NR3C2: variants seen among roughly 807,000 people sequenced by gnomAD.
NR3C2 encodes nuclear receptor subfamily 3 group C member 2.
NR3C2 carries 15 observed loss-of-function variants against 86.4 expected under a neutral mutation model. The observed-to-expected ratio is 0.17, with a 90% CI of 0.12 to 0.27. The LOEUF (loss-of-function observed/expected upper bound fraction) is 0.27. Among genes scored for constraint, NR3C2 ranks in the 10% least tolerant of loss-of-function variants. NR3C2 has a pLI of 1.00. For synonymous variants in NR3C2, 458 were observed against 450.5 expected (o/e 1.02, Z -0.21); for missense variants, 960 against 1,195.6 (o/e 0.80, Z 2.91).
intron 2 of NR3C2, among the ~76,000 whole-genome samples, chr4:148,389,937 T>G (rs1216095645): frequency 1.3e-5 from 2 of 152,046 alleles, no homozygotes; most frequent in African/African-American, 2.4e-5. Context: ...TGCCTCAACT[T>G]TTAAAATCAT....
rs61760294 is a variant in NR3C2, at chr4:148,258,020, A to T, written c.1897+1958T>A. Among the ~76,000 whole-genome samples, 537 of 152,318 alleles carry T rather than the reference A, an allele frequency of 3.5e-3. 2 individuals are homozygous for T. The highest frequency in any genetic ancestry group is 5.8e-3 in the Non-Finnish European group (396 of 68,030). On this transcript the variant is annotated intron_variant, in intron 3 of 8. Coordinates refer to ENST00000358102, the MANE Select transcript of NR3C2 (RefSeq NM_000901.5). Reference sequence around the variant, plus strand: ...TAATTCCCTAGGTAATTCCACAGAAACTACTTAAAACAAGAAAAACTAAGC... The same window carrying T: ...TAATTCCCTAGGTAATTCCACAGAATCTACTTAAAACAAGAAAAACTAAGC...
intron 3 of NR3C2, among the ~76,000 whole-genome samples, chr4:148,236,247 G>A (rs918773955): frequency 9.9e-5 from 15 of 152,152 alleles, no homozygotes; most frequent in African/African-American, 2.2e-4. Flanking sequence ...TCAAGGTGTC[G>A]GGGTAAGTGA....
At chr4:148,242,721 C>T (rs1190511362) in intron 3 of NR3C2, among the ~76,000 whole-genome samples, 5 of 152,118 alleles carry the variant, frequency 3.3e-5, no homozygotes, top group Non-Finnish European at 5.9e-5. Flanking sequence ...ACTGTTTAAC[C>T]AATGCAAATG....
At chr4:148,409,292 G>C (rs572270854) in intron 2 of NR3C2, among the ~76,000 whole-genome samples, 1 of 152,210 alleles carries the variant, frequency 6.6e-6, no homozygotes, top group Non-Finnish European at 1.5e-5. Context: ...CTTTGATATT[G>C]AGATAAAATC....
intron 3 of NR3C2, among the ~76,000 whole-genome samples, chr4:148,248,420 T>C (rs1436200518): frequency 6.6e-6 from 1 of 152,194 alleles, no homozygotes; most frequent in East Asian, 1.9e-4. Context: ...GGTTTTCCAA[T>C]TAAGTTGTGG....
At chr4:148,150,086 A>G (rs1734037041) in intron 6 of NR3C2, among the ~76,000 whole-genome samples, 1 of 152,230 alleles carries the variant, frequency 6.6e-6, no homozygotes, top group African/African-American at 2.4e-5. Context: ...AGATATATTT[A>G]TATACCCATA....
intron 2 of NR3C2, among the ~76,000 whole-genome samples, chr4:148,392,358 C>T (rs935746944): frequency 7.9e-5 from 12 of 152,202 alleles, no homozygotes; most frequent in African/African-American, 2.9e-4. Flanking sequence ...TTTTAAGGTT[C>T]AGACTTTACT....
intron 3 of NR3C2, among the ~76,000 whole-genome samples, chr4:148,232,335 G>C (rs377099157): frequency 1.3e-5 from 2 of 152,202 alleles, no homozygotes; most frequent in Non-Finnish European, 2.9e-5. Context: ...GTGTTAGCAG[G>C]CATGAAAACA....
upstream of NR3C2, chr4:148,443,864 T>C (rs1244210466): frequency 2.5e-6 from 1 of 402,840 alleles, no homozygotes; most frequent in Non-Finnish European, 3.4e-6. Flanking sequence ...TCCGGACCCC[T>C]AACCCAGGGC....
chr4:148,266,859 T>C (rs773295750), intron 2 of NR3C2, among the ~76,000 whole-genome samples: 1 of 152,122 alleles, frequency 6.6e-6, no homozygotes, highest in Non-Finnish European at 1.5e-5. Flanking sequence ...AGTGGCTAAT[T>C]CAGAGAAATT....
intron 2 of NR3C2, among the ~76,000 whole-genome samples, chr4:148,345,915 G>A (rs934204341): frequency 6.6e-6 from 1 of 152,102 alleles, no homozygotes; most frequent in African/African-American, 2.4e-5. Flanking sequence ...CTTTACAAAT[G>A]ATGAGAGCTA....
chr4:148,080,661 A>AAATT lies in NR3C2; in HGVS notation c.*679_*682dup, dbSNP rs1241376673. On this transcript the variant is annotated 3_prime_UTR_variant, in exon 9 of 9. Coordinates refer to ENST00000358102, the MANE Select transcript of NR3C2 (RefSeq NM_000901.5). ...GTACAGCACAGCAAAAGACTGCAAA[A>AAATT]AATTATTTGTAAAGCCAACACAATA... 5 of 218,612 alleles carry AAATT rather than the reference A, an allele frequency of 2.3e-5. No homozygotes were observed. The highest frequency in any genetic ancestry group is 5.0e-5 in the Non-Finnish European group (5 of 100,154). The allele number at this position is 218,612 out of a possible 1,614,324, so 13.5% of individuals were successfully genotyped here.
chr4:148,289,230 A>T (rs1439427782), intron 2 of NR3C2, among the ~76,000 whole-genome samples: 2 of 151,750 alleles, frequency 1.3e-5, no homozygotes, highest in African/African-American at 4.8e-5. Flanking sequence ...ATTTAGAAGT[A>T]AAAAAGTCAC....
rs182257368 is a variant in NR3C2, at chr4:148,086,911, A to G, written c.2800-5412T>C. Among the ~76,000 whole-genome samples, 45 of 152,340 alleles carry G rather than the reference A, an allele frequency of 3.0e-4. 2 individuals carry two copies. Among genetic ancestry groups the G allele is most frequent in the Admixed American group, 1.9e-3 (29 of 15,304 alleles). ...TCTCACTTCTATTCAACATAGTATT[A>G]GAACTTCTGGCCAGGGCAATCAGGC... On this transcript the variant is annotated intron_variant, in intron 8 of 8. Transcript: ENST00000358102.
chr4:148,339,159 G>C (rs1744633580), intron 2 of NR3C2, among the ~76,000 whole-genome samples: 1 of 152,128 alleles, frequency 6.6e-6, no homozygotes, highest in African/African-American at 2.4e-5. Context: ...TGTCCTAAAA[G>C]AAAAGTTAAA....
intron 8 of NR3C2, among the ~76,000 whole-genome samples, chr4:148,109,711 G>C (rs1560926349): frequency 6.6e-6 from 1 of 152,132 alleles, no homozygotes; most frequent in Non-Finnish European, 1.5e-5. Flanking sequence ...TATTTATCAG[G>C]GGTCAGGTTG....
chr4:148,222,046 C>T (rs1245308354), intron 3 of NR3C2, among the ~76,000 whole-genome samples: 2 of 151,768 alleles, frequency 1.3e-5, no homozygotes, highest in African/African-American at 4.8e-5. Flanking sequence ...AGATCTTGTA[C>T]CATATCTGGT....
chr4:148,395,050 G>C (rs2126507908), intron 2 of NR3C2, among the ~76,000 whole-genome samples: 1 of 152,146 alleles, frequency 6.6e-6, no homozygotes, highest in Non-Finnish European at 1.5e-5. Flanking sequence ...TTTTTAAAAT[G>C]ATAGGTAACC....
chr4:148,302,424 G>A (rs1381694993), intron 2 of NR3C2, among the ~76,000 whole-genome samples: 2 of 151,874 alleles, frequency 1.3e-5, no homozygotes, highest in Non-Finnish European at 2.9e-5. Flanking sequence ...ACAAAATGTG[G>A]AGCATGTTTG....
Sources: allele counts gnomAD v4.1 joint callset (sites outside exome capture counted in the v4.1 genomes callset), GRCh38; gene constraint gnomAD v4.1.1; transcripts MANE v1.5; gene names NCBI Gene and HGNC (gene_info 2026-07-23, HGNC 2026-07-21).